Variants in TMEM52B observed in about 807,000 individuals in gnomAD.
TMEM52B encodes chromosome 12 open reading frame 59.
Under a neutral mutation model 16.1 loss-of-function variants are expected in TMEM52B, and 11 were observed. That is an observed-to-expected ratio of 0.68 (90% CI 0.43 to 1.13). The LOEUF is 1.13. Among genes scored for constraint, TMEM52B ranks in the 50% most tolerant of loss-of-function variants. The probability of loss-of-function intolerance (pLI) is 0.00; values close to 1 mark genes in which losing one functional copy is unlikely to be tolerated. For synonymous variants in TMEM52B, 101 were observed against 93.8 expected (o/e 1.08, Z -0.45); for missense variants, 243 against 230.4 (o/e 1.05, Z -0.35).
At chr12:10,172,118 G>C (rs1315332802) in intron 1 of TMEM52B, 1 of 1,444,438 alleles carries the variant, frequency 6.9e-7, no homozygotes, top group Non-Finnish European at 9.7e-7. Flanking sequence ...AAGCAGTCAC[G>C]AACTTCAACA....
intron 1 of TMEM52B, among the ~76,000 whole-genome samples, chr12:10,173,021 T>G (rs550761119): frequency 7.2e-5 from 11 of 152,266 alleles, no homozygotes; most frequent in African/African-American, 2.6e-4. Context: ...TGGAGCATAA[T>G]AAGAAGCCAA....
chr12:10,176,506 TG>T (rs1948766682), upstream of TMEM52B, among the ~76,000 whole-genome samples: 1 of 152,106 alleles, frequency 6.6e-6, no homozygotes, highest in Non-Finnish European at 1.5e-5. Flanking sequence ...CTGGCGTGGT[TG>T]GGAGAAAAGG....
At chr12:10,174,353 G>C (rs193145466), upstream of TMEM52B, among the ~76,000 whole-genome samples, 1 of 152,198 alleles carries the variant, frequency 6.6e-6, no homozygotes, top group African/African-American at 2.4e-5. Context: ...GTGAGCCACC[G>C]TGCTGGCCTT....
chr12:10,185,366 A>G lies in TMEM52B; in HGVS notation c.135A>G (p.Ile45Met). 2 of 1,607,612 alleles carry G rather than the reference A, an allele frequency of 1.2e-6. No homozygotes were observed. The highest frequency in any genetic ancestry group is 1.3e-5 in the African/African-American group (1 of 74,930). ...CAGACTGGGTACATCTCTGGTATATATGGTAAGTTTCACTTATAATACCCA... is the reference window on the plus strand; with the variant it reads ...CAGACTGGGTACATCTCTGGTATATGTGGTAAGTTTCACTTATAATACCCA... ...LTTDWVHLWY[I>M]WLLVVIGALL... is the part of the protein sequence containing the mutation. The change falls in exon 3 of 5, where the codon ATA (isoleucine) becomes ATG (methionine). Residue 45 changes from isoleucine (I) to methionine (M), a missense_variant and splice_region_variant. Coordinates refer to ENST00000543484, the MANE Select transcript of TMEM52B (RefSeq NM_001384896.1).
At chr12:10,182,499 A>G (rs2137548884) in intron 1 of TMEM52B, 51 bp from the exon 2 acceptor site, 1 of 1,526,476 alleles carries the variant, frequency 6.6e-7, no homozygotes, top group Non-Finnish European at 8.8e-7. Context: ...AAGCAGCTGA[A>G]CACAGTGGCC....
rs571047886 is a variant in TMEM52B at position 10,181,321 on chromosome 12, T to G, written c.55-1229T>G. On this transcript the variant is annotated intron_variant, in intron 1 of 4. Transcript: ENST00000543484. ...TTTGAATTCTGTCTGCATCAATAGG[T>G]GTGTACATTTGGTCACTTTTTTTTT... 2.0e-4 allele frequency among the ~76,000 whole-genome samples: 28 copies of G among 141,262 alleles called. No homozygotes were observed. The South Asian group carries it at 6.2e-3, about 32-fold the overall frequency. 92.7% of individuals were successfully genotyped at this position (141,262 alleles called of 152,430 possible).
intron 2 of TMEM52B, among the ~76,000 whole-genome samples, chr12:10,183,030 C>T (rs1232507020): frequency 6.6e-6 from 1 of 152,148 alleles, no homozygotes; most frequent in East Asian, 1.9e-4. Context: ...ATTGGGCAGA[C>T]TTCATTTAGC....
At chr12:10,182,012 G>C in intron 1 of TMEM52B, 1 of 873,964 alleles carries the variant, frequency 1.1e-6, no homozygotes, top group Non-Finnish European at 1.3e-6. Context: ...GGGTGACAGA[G>C]CAAGACTCAA....
At chr12:10,182,418 T>G in intron 1 of TMEM52B, 132 bp from the exon 2 acceptor site, 1 of 1,362,250 alleles carries the variant, frequency 7.3e-7, no homozygotes, top group South Asian at 1.7e-5. Context: ...CAGTCCTAAA[T>G]AGACTGCCCC....
chr12:10,185,524 T>C (rs559455566), intron 3 of TMEM52B, among the ~76,000 whole-genome samples, 156 bp downstream of exon 3: 1 of 152,294 alleles, frequency 6.6e-6, no homozygotes, highest in East Asian at 1.9e-4. Context: ...TTCAATACCA[T>C]CTCCTCCGCA....
chr12:10,181,636 T>C (rs1948824142), intron 1 of TMEM52B, among the ~76,000 whole-genome samples: 1 of 150,848 alleles, frequency 6.6e-6, no homozygotes, highest in Non-Finnish European at 1.5e-5. Flanking sequence ...CCTGGTCACA[T>C]TACTTAAAAC....
chr12:10,188,542 GAAGAAAAAGAAA>G (rs71049059), intron 4 of TMEM52B, among the ~76,000 whole-genome samples: 26 of 75,210 alleles, frequency 3.5e-4, no homozygotes, highest in East Asian at 1.1e-3. Flanking sequence ...GGAAGGAAAA[GAAGAAAAAGAAA>G]AAGAAAAAGA....
chr12:10,187,099 G>GGTT (rs778503495), intron 4 of TMEM52B, among the ~76,000 whole-genome samples: 1 of 82,182 alleles, frequency 1.2e-5, no homozygotes, highest in Non-Finnish European at 2.2e-5. Context: ...TTCCATGACG[G>GGTT]TTTTTTTTTT....
intron 1 of TMEM52B, among the ~76,000 whole-genome samples, chr12:10,173,526 T>A (rs577666200): frequency 7.1e-6 from 1 of 141,174 alleles, no homozygotes; most frequent in Non-Finnish European, 1.5e-5. Flanking sequence ...ATGCCTGTAA[T>A]CTCAGCACTT....
At chr12:10,178,441 T>G (rs1948785166), upstream of TMEM52B, among the ~76,000 whole-genome samples, 1 of 148,524 alleles carries the variant, frequency 6.7e-6, no homozygotes, top group South Asian at 2.1e-4. Flanking sequence ...GAGAATGGCA[T>G]GAACCCAGGA....
At chr12:10,178,049 T>C (rs895627085), upstream of TMEM52B, among the ~76,000 whole-genome samples, 1 of 150,882 alleles carries the variant, frequency 6.6e-6, no homozygotes, top group African/African-American at 2.4e-5. Context: ...GTGCCTGCCA[T>C]GACACACAGC....
At chr12:10,183,806 G>A (rs148435078) in intron 2 of TMEM52B, among the ~76,000 whole-genome samples, 191 of 152,132 alleles carry the variant, frequency 1.3e-3, no homozygotes, top group African/African-American at 4.5e-3. Flanking sequence ...TTTTGATCCT[G>A]GATGTGAAAA....
At chr12:10,188,481 AAGAG>A in intron 4 of TMEM52B, among the ~76,000 whole-genome samples, 1 of 132,678 alleles carries the variant, frequency 7.5e-6, no homozygotes, top group East Asian at 2.1e-4. Flanking sequence ...GAAAGAAAGA[AAGAG>A]AGAGAGGGAA....
upstream of TMEM52B, among the ~76,000 whole-genome samples, chr12:10,174,600 G>A (rs1307038233): frequency 2.6e-5 from 4 of 152,176 alleles, no homozygotes; most frequent in South Asian, 2.1e-4. Context: ...CTCGCTGGCC[G>A]AGTCTGGCAG....
Sources: allele counts gnomAD v4.1 joint callset (sites outside exome capture counted in the v4.1 genomes callset), GRCh38; gene constraint gnomAD v4.1.1; transcripts MANE v1.5; gene names NCBI Gene and HGNC (gene_info 2026-07-23, HGNC 2026-07-21).